PRKG1: variants seen among roughly 807,000 people sequenced by gnomAD.
PRKG1 encodes cGMP-dependent protein kinase 1.
A neutral mutation model predicts 88.1 loss-of-function variants in PRKG1; 35 were observed. The ratio of observed to expected loss-of-function variants is 0.40; its 90% CI spans 0.30 to 0.53. The LOEUF is 0.53. Among genes scored for constraint, PRKG1 ranks in the 20% least tolerant of loss-of-function variants. PRKG1 has a pLI of 0.59. For synonymous variants in PRKG1, 303 were observed against 292.5 expected (o/e 1.04, Z -0.37); for missense variants, 540 against 839.8 (o/e 0.64, Z 4.41).
intron 9 of PRKG1, among the ~76,000 whole-genome samples, chr10:52,211,153 TA>T (rs1017108899): frequency 6.6e-6 from 1 of 152,168 alleles, no homozygotes; most frequent in African/African-American, 2.4e-5. Context: ...TCTGTTCTTT[TA>T]AAGTTTGTAG....
Position 52,282,562 on chromosome 10 carries a change from G to C in PRKG1, c.1709+246G>C, listed in dbSNP as rs555959293. Among the ~76,000 whole-genome samples, 438 of 152,182 alleles carry C rather than the reference G, an allele frequency of 2.9e-3. 1 individual carries two copies. The highest frequency in any genetic ancestry group is 0.01 in the African/African-American group (423 of 41,542). On this transcript the variant is annotated intron_variant, in intron 14 of 17. Coordinates refer to ENST00000373980, the MANE Select transcript of PRKG1 (RefSeq NM_006258.4). The stretch of plus-strand genomic sequence containing the variant: ...CTACTTCTTTTTTACATATGTGAAT[G>C]TGGAAGGATATAATGTCCTTCTGTG...
rs190220426 is a variant in PRKG1 at position 51,997,364 on chromosome 10, G to C, written c.763-57120G>C. Among the ~76,000 whole-genome samples the C allele has an allele frequency of 5.4e-3, 819 of 151,462 alleles. 6 individuals are homozygous for C. The highest frequency in any genetic ancestry group is 0.019 in the African/African-American group (775 of 41,250). On this transcript the variant is annotated intron_variant, in intron 5 of 17. Transcript: ENST00000373980. ...TGGGTGCCCGTAGTCCCAGCTACTC[G>C]GGAGGCTGAGGCACAAGAATCATTT...
chr10:51,250,155 A>G (rs1839393073), intron 2 of PRKG1, among the ~76,000 whole-genome samples: 1 of 151,792 alleles, frequency 6.6e-6, no homozygotes, highest in Admixed American at 6.6e-5. Context: ...GCCTTTTGGC[A>G]AAAGACCAAT....
At chr10:52,168,893 A>G (rs1022740862) in intron 9 of PRKG1, among the ~76,000 whole-genome samples, 2 of 152,148 alleles carry the variant, frequency 1.3e-5, no homozygotes, top group Non-Finnish European at 2.9e-5. Context: ...TTTGGAGAGT[A>G]GGGTGATCAT....
chr10:51,406,729 A>G (rs918475042), intron 2 of PRKG1, among the ~76,000 whole-genome samples: 2 of 152,104 alleles, frequency 1.3e-5, no homozygotes, highest in Admixed American at 6.6e-5. Context: ...TACTTATTGA[A>G]TAAAATGTGC....
chr10:51,026,969 T>G (rs1843214782), intron 1 of PRKG1, among the ~76,000 whole-genome samples: 1 of 152,184 alleles, frequency 6.6e-6, no homozygotes, highest in African/African-American at 2.4e-5. Context: ...GGGCTGGACC[T>G]ATAATCAAAT....
At chr10:51,001,765 G>C (rs1313805897) in intron 1 of PRKG1, among the ~76,000 whole-genome samples, 1 of 152,116 alleles carries the variant, frequency 6.6e-6, no homozygotes, top group Non-Finnish European at 1.5e-5. Flanking sequence ...AGAAGATAGA[G>C]GGGGAGACAT....
intron 3 of PRKG1, among the ~76,000 whole-genome samples, chr10:51,503,170 T>A (rs1046734499): frequency 3.3e-5 from 5 of 152,290 alleles, no homozygotes; most frequent in African/African-American, 1.2e-4. Flanking sequence ...GCACTTTTCC[T>A]GAGTGCTCTC....
At chr10:52,148,633 C>T (rs768428090) in intron 8 of PRKG1, among the ~76,000 whole-genome samples, 1 of 152,036 alleles carries the variant, frequency 6.6e-6, no homozygotes, top group Non-Finnish European at 1.5e-5. Context: ...AGAGAAGAAT[C>T]GGGAAAGTGG....
At chr10:52,246,618 T>C (rs1841029272) in intron 9 of PRKG1, among the ~76,000 whole-genome samples, 1 of 152,172 alleles carries the variant, frequency 6.6e-6, no homozygotes, top group Non-Finnish European at 1.5e-5. Context: ...GGCTCATGCC[T>C]GTAATCCCAG....
intron 3 of PRKG1, among the ~76,000 whole-genome samples, chr10:51,735,268 G>C (rs1419426370): frequency 6.6e-6 from 1 of 152,076 alleles, no homozygotes. Flanking sequence ...CTTGCGCAGA[G>C]TTCAGTTTCT....
intron 2 of PRKG1, among the ~76,000 whole-genome samples, chr10:51,332,349 T>C (rs1461965636): frequency 1.3e-5 from 2 of 152,162 alleles, no homozygotes; most frequent in South Asian, 4.1e-4. Flanking sequence ...TGCTATTCCT[T>C]ATAGAACTTG....
At chr10:51,061,386 G>A (rs138599412) in intron 1 of PRKG1, among the ~76,000 whole-genome samples, 4 of 152,170 alleles carry the variant, frequency 2.6e-5, no homozygotes, top group African/African-American at 4.8e-5. Flanking sequence ...CTCACAACAC[G>A]GGAATTATGG....
At chr10:51,886,307 T>C (rs1564692808) in intron 4 of PRKG1, among the ~76,000 whole-genome samples, 1 of 152,224 alleles carries the variant, frequency 6.6e-6, no homozygotes, top group Non-Finnish European at 1.5e-5. Context: ...CTAGAATTTC[T>C]ATTACAAGCT....
intron 2 of PRKG1, among the ~76,000 whole-genome samples, chr10:51,399,056 G>T (rs1001644863): frequency 2.2e-4 from 33 of 151,654 alleles, no homozygotes; most frequent in African/African-American, 8.0e-4. Flanking sequence ...GAACTTCCTA[G>T]CTTCCATAAT....
intron 2 of PRKG1, among the ~76,000 whole-genome samples, chr10:51,450,033 A>C (rs1417310701): frequency 6.6e-6 from 1 of 152,002 alleles, no homozygotes; most frequent in Non-Finnish European, 1.5e-5. Context: ...ATGATTTAGG[A>C]CATGTTTGGA....
intron 1 of PRKG1, among the ~76,000 whole-genome samples, chr10:51,067,768 A>G (rs1284360206): frequency 6.6e-6 from 1 of 152,008 alleles, no homozygotes; most frequent in Non-Finnish European, 1.5e-5. Context: ...CCTATTGTAC[A>G]TTTATTTATA....
intron 3 of PRKG1, among the ~76,000 whole-genome samples, chr10:51,553,291 T>C (rs1837188752): frequency 6.6e-6 from 1 of 151,694 alleles, no homozygotes; most frequent in Admixed American, 6.6e-5. Context: ...TATTAATTCT[T>C]TTGCCGTGAC....
At chr10:51,922,328 C>A (rs1842480701) in intron 5 of PRKG1, among the ~76,000 whole-genome samples, 2 of 150,500 alleles carry the variant, frequency 1.3e-5, no homozygotes, top group Non-Finnish European at 3.0e-5. Flanking sequence ...CAATTTTATT[C>A]ATCTTTTCCA....
Sources: allele counts gnomAD v4.1 joint callset (sites outside exome capture counted in the v4.1 genomes callset), GRCh38; gene constraint gnomAD v4.1.1; transcripts MANE v1.5; gene names NCBI Gene and HGNC (gene_info 2026-07-23, HGNC 2026-07-21).